Variants in DCC observed in about 807,000 individuals in gnomAD.
The protein encoded by DCC is netrin receptor DCC.
Under a neutral mutation model 172.5 loss-of-function variants are expected in DCC, and 58 were observed. That is an observed-to-expected ratio of 0.34 (90% CI 0.27 to 0.42). The LOEUF (loss-of-function observed/expected upper bound fraction) is 0.42. DCC is among the 10% of genes least tolerant of loss of function. DCC has a pLI of 1.00. For missense variants in DCC, 1,740 were observed against 1,791.0 expected (o/e 0.97, Z 0.51); for synonymous variants, 709 against 644.5 (o/e 1.10, Z -1.52).
At position 52,813,827 on chromosome 18, in the gene DCC, T is replaced by TA. The variant is rs879778373; in HGVS notation, c.412+61453_412+61454insA. On this transcript the variant is annotated intron_variant, in intron 2 of 28. Transcript: ENST00000442544. ...ACTGCTTCAGCTGGATATTGGTCTT[T>TA]TCTGGCCTTCAGACCAGACTGCAAT... Among the ~76,000 whole-genome samples the TA allele has an allele frequency of 2.6e-3, 397 of 152,314 alleles. 1 individual carries two copies. Among genetic ancestry groups the TA allele is most frequent in the Middle Eastern group, 0.014 (4 of 294 alleles).
intron 1 of DCC, among the ~76,000 whole-genome samples, chr18:52,391,376 A>C (rs1986024825): frequency 6.6e-6 from 1 of 152,216 alleles, no homozygotes; most frequent in African/African-American, 2.4e-5. Flanking sequence ...CACAAAAGAG[A>C]GATCCAATTT....
intron 1 of DCC, among the ~76,000 whole-genome samples, chr18:52,592,744 G>A (rs1471796142): frequency 3.9e-5 from 6 of 152,066 alleles, no homozygotes; most frequent in African/African-American, 9.7e-5. Flanking sequence ...AGCTATTCTC[G>A]TGCCTCAGAC....
intron 2 of DCC, among the ~76,000 whole-genome samples, chr18:52,788,267 T>A (rs566935784): frequency 6.6e-6 from 1 of 152,208 alleles, no homozygotes; most frequent in Non-Finnish European, 1.5e-5. Flanking sequence ...TAAAACTGTT[T>A]AGTGATTTCA....
intron 15 of DCC, among the ~76,000 whole-genome samples, chr18:53,385,152 T>C (rs1599091624): frequency 6.6e-6 from 1 of 152,134 alleles, no homozygotes; most frequent in Admixed American, 6.6e-5. Context: ...CAGAGAGCTC[T>C]TCTCAATACA....
intron 27 of DCC, among the ~76,000 whole-genome samples, chr18:53,500,958 T>A (rs1321677128): frequency 6.6e-6 from 1 of 152,042 alleles, no homozygotes; most frequent in East Asian, 1.9e-4. Context: ...GCCCCAAAAC[T>A]ATGAAGTCTT....
chr18:53,089,418 T>C (rs2042970350), intron 7 of DCC, among the ~76,000 whole-genome samples: 1 of 152,100 alleles, frequency 6.6e-6, no homozygotes, highest in African/African-American at 2.4e-5. Context: ...TTTTTTCCTC[T>C]TTCATGCCTT....
At chr18:52,731,133 C>T (rs1332689982) in intron 1 of DCC, among the ~76,000 whole-genome samples, 2 of 152,190 alleles carry the variant, frequency 1.3e-5, no homozygotes, top group Admixed American at 1.3e-4. Context: ...GGCCAGGCAG[C>T]GTTTTTCACC....
chr18:52,510,827 C>A (rs1047559179), intron 1 of DCC, among the ~76,000 whole-genome samples: 2 of 152,036 alleles, frequency 1.3e-5, no homozygotes, highest in Non-Finnish European at 2.9e-5. Context: ...GAGATAATCA[C>A]CTATTGTATG....
At chr18:53,092,306 G>A (rs961338730) in intron 7 of DCC, among the ~76,000 whole-genome samples, 11 of 152,068 alleles carry the variant, frequency 7.2e-5, no homozygotes, top group African/African-American at 2.7e-4. Context: ...TTTGGGAACC[G>A]AAGTCGTAAG....
At chr18:52,419,828 C>A (rs1019168916) in intron 1 of DCC, among the ~76,000 whole-genome samples, 2 of 152,062 alleles carry the variant, frequency 1.3e-5, no homozygotes, top group African/African-American at 4.8e-5. Flanking sequence ...AAAATAAATA[C>A]ATATATGGGA....
intron 1 of DCC, among the ~76,000 whole-genome samples, chr18:52,446,398 A>G (rs894574679): frequency 1.3e-5 from 2 of 152,218 alleles, no homozygotes; most frequent in African/African-American, 4.8e-5. Flanking sequence ...CAAACTGGGA[A>G]CACTGATAGA....
intron 1 of DCC, among the ~76,000 whole-genome samples, chr18:52,699,853 A>G (rs1181884611): frequency 3.9e-5 from 6 of 152,172 alleles, no homozygotes; most frequent in Non-Finnish European, 8.8e-5. Context: ...AATTTTATTA[A>G]AATATAATTC....
At chr18:53,351,626 T>C (rs2057814548) in intron 15 of DCC, among the ~76,000 whole-genome samples, 1 of 150,536 alleles carries the variant, frequency 6.6e-6, no homozygotes, top group South Asian at 2.1e-4. Context: ...TGAGTTGTTA[T>C]TTGTAAAACA....
intron 1 of DCC, among the ~76,000 whole-genome samples, chr18:52,366,673 A>G (rs895506470): frequency 6.6e-6 from 1 of 151,338 alleles, no homozygotes; most frequent in Non-Finnish European, 1.5e-5. Flanking sequence ...TGAGCCAGAC[A>G]TAAAGGTTCT....
At chr18:53,429,659 C>T (rs1001751050) in intron 21 of DCC, among the ~76,000 whole-genome samples, 11 of 151,958 alleles carry the variant, frequency 7.2e-5, no homozygotes, top group African/African-American at 1.2e-4. Context: ...GAGTAGTTTA[C>T]CAAATGCATT....
chr18:52,994,720 A>G (rs1020617166), intron 5 of DCC, among the ~76,000 whole-genome samples: 3 of 152,254 alleles, frequency 2.0e-5, no homozygotes, highest in Non-Finnish European at 2.9e-5. Context: ...CAGTATGCCA[A>G]ATTTATTTTA....
intron 1 of DCC, among the ~76,000 whole-genome samples, chr18:52,613,015 A>G (rs1471324197): frequency 6.6e-6 from 1 of 152,204 alleles, no homozygotes; most frequent in South Asian, 2.1e-4. Context: ...TTTGAGTGAT[A>G]AGAAGCTGTT....
chr18:53,313,936 C>A (rs1239158044), intron 13 of DCC, among the ~76,000 whole-genome samples: 1 of 152,156 alleles, frequency 6.6e-6, no homozygotes, highest in Non-Finnish European at 1.5e-5. Flanking sequence ...GCGCCAAAAT[C>A]GCAGGGTATT....
intron 2 of DCC, among the ~76,000 whole-genome samples, chr18:52,862,098 A>AT (rs1453385003): frequency 6.6e-6 from 1 of 152,012 alleles, no homozygotes; most frequent in Non-Finnish European, 1.5e-5. Context: ...CATTAATAAC[A>AT]TGTTTATAGA....
Sources: gnomAD v4.1 joint callset for allele counts (sites outside exome capture counted in the v4.1 genomes callset) on GRCh38, gnomAD v4.1.1 for gene constraint, MANE v1.5 for transcripts, NCBI Gene and HGNC (gene_info 2026-07-23, HGNC 2026-07-21) for gene names.